MCC: variants seen among roughly 807,000 people sequenced by gnomAD.
MCC encodes colorectal mutant cancer protein.
In MCC, 90 loss-of-function variants were observed where a neutral mutation model predicts 116.2. That is an observed-to-expected ratio of 0.77 (90% CI 0.65 to 0.92). MCC has a LOEUF of 0.92. MCC is among the 40% of genes least tolerant of loss of function. MCC has a pLI of 0.00. For synonymous variants in MCC, 578 were observed against 510.5 expected (o/e 1.13, Z -1.78); for missense variants, 1,516 against 1,312.2 (o/e 1.16, Z -2.40).
In MCC at chr5:113,488,424, C is replaced by A. The variant is rs1329306874; in HGVS notation, c.-10G>T. On this transcript the variant is annotated 5_prime_UTR_variant, in exon 1 of 19. Coordinates refer to ENST00000408903, the MANE Select transcript of MCC (RefSeq NM_001085377.2). ...CCGCGGCCGCCATCATGCGCCCGCT[C>A]CCTACTTGGGAGGAGGAGTACGCGC... 7.1e-7 allele frequency: 1 copy of A among 1,405,408 alleles called. No homozygotes were observed. 87.1% of individuals were successfully genotyped at this position (1,405,408 alleles called of 1,614,324 possible).
intron 8 of MCC, among the ~76,000 whole-genome samples, chr5:113,087,762 C>G (rs1755304633): frequency 6.9e-6 from 1 of 144,218 alleles, no homozygotes; most frequent in Non-Finnish European, 1.5e-5. Context: ...CCCTACTGGC[C>G]TACTCATCTT....
intron 13 of MCC, among the ~76,000 whole-genome samples, chr5:113,067,705 C>T (rs1276451556): frequency 6.6e-6 from 1 of 152,232 alleles, no homozygotes; most frequent in Non-Finnish European, 1.5e-5. Flanking sequence ...GCCAATGGAA[C>T]GAGATGAAGT....
In MCC at chr5:113,085,059, T is replaced by C. The variant is rs1458329611; in HGVS notation, c.1545+105A>G. The C allele has an allele frequency of 2.0e-6, 3 of 1,493,904 alleles. No individual in the cohort carries two copies. In the African/African-American group the frequency reaches 4.1e-5, roughly 21 times the overall value. 92.5% of individuals were successfully genotyped at this position (1,493,904 alleles called of 1,614,324 possible). A position where few individuals can be genotyped will look rare whatever the true frequency, so the allele number is the denominator to read the frequency against. The stretch of plus-strand genomic sequence containing the variant: ...GTAAGGTCCCAGGGGAAGCCCCTTG[T>C]GCTGTCTCAGCTAAGGGCATGCCTG... On this transcript the variant is annotated intron_variant, in intron 9 of 18. Coordinates refer to ENST00000408903, the MANE Select transcript of MCC (RefSeq NM_001085377.2).
chr5:113,416,973 T>C (rs578111230), intron 1 of MCC, among the ~76,000 whole-genome samples: 61 of 138,600 alleles, frequency 4.4e-4, no homozygotes, highest in Middle Eastern at 3.5e-3. Flanking sequence ...AATTGCCTTT[T>C]TTTTTTTTTT....
intron 1 of MCC, among the ~76,000 whole-genome samples, chr5:113,431,767 G>A: frequency 8.0e-6 from 1 of 124,480 alleles, no homozygotes; most frequent in African/African-American, 3.5e-5. Context: ...AGGCCAAGGG[G>A]GGGGGGGGGT....
At chr5:113,308,751 C>G (rs935358889) in intron 3 of MCC, among the ~76,000 whole-genome samples, 16 of 151,636 alleles carry the variant, frequency 1.1e-4, no homozygotes, top group African/African-American at 2.9e-4. Flanking sequence ...CACCTTGAGC[C>G]ATGATTTTGC....
Position 113,023,727 on chromosome 5 carries a change from C to G in MCC, c.*3575G>C, listed in dbSNP as rs1027154042. The G allele has an allele frequency of 3.3e-5, 5 of 152,192 alleles. No homozygotes were observed. Among genetic ancestry groups the G allele is most frequent in the Admixed American group, 2.6e-4 (4 of 15,284 alleles). 9.4% of individuals were successfully genotyped at this position (152,192 alleles called of 1,614,324 possible). A position where few individuals can be genotyped will look rare whatever the true frequency, so the allele number is the denominator to read the frequency against. On this transcript the variant is annotated 3_prime_UTR_variant, in exon 19 of 19. Coordinates refer to ENST00000408903, the MANE Select transcript of MCC (RefSeq NM_001085377.2). The stretch of plus-strand genomic sequence containing the variant: ...AGCCTTATGGAGGAAAGGACACTTT[C>G]AGAGATGTTTATTTTTTAATAGTCA...
At position 113,022,482 on chromosome 5, in the gene MCC, A is replaced by C. The variant is rs565453110; in HGVS notation, c.*4820T>G. 3 of 152,722 alleles carry C rather than the reference A, an allele frequency of 2.0e-5. No homozygotes were observed. The East Asian group carries it at 5.8e-4, about 29-fold the overall frequency. The allele number at this position is 152,722 out of a possible 1,614,324, so 9.5% of individuals were successfully genotyped here. A position where few individuals can be genotyped will look rare whatever the true frequency, so the allele number is the denominator to read the frequency against. On this transcript the variant is annotated 3_prime_UTR_variant, in exon 19 of 19. Coordinates refer to ENST00000408903, the MANE Select transcript of MCC (RefSeq NM_001085377.2). ...AGGAAACAAATCTCATGCAAAGTAAATAAATCTTGATGTCTAAAAACTGAT... is the reference window on the plus strand; with the variant it reads ...AGGAAACAAATCTCATGCAAAGTAACTAAATCTTGATGTCTAAAAACTGAT...
At chr5:113,222,216 T>C (rs1763577668) in intron 3 of MCC, among the ~76,000 whole-genome samples, 1 of 152,228 alleles carries the variant, frequency 6.6e-6, no homozygotes, top group African/African-American at 2.4e-5. Context: ...AATATGGTGA[T>C]TTACACTGAT....
At chr5:113,209,294 G>T (rs772485810) in intron 3 of MCC, among the ~76,000 whole-genome samples, 3 of 152,124 alleles carry the variant, frequency 2.0e-5, no homozygotes, top group Non-Finnish European at 4.4e-5. Flanking sequence ...TCAGAAGAAG[G>T]CTTCAAAAAT....
chr5:113,267,230 A>C (rs571152427), intron 3 of MCC, among the ~76,000 whole-genome samples: 1 of 151,914 alleles, frequency 6.6e-6, no homozygotes, highest in East Asian at 1.9e-4. Flanking sequence ...AATCCTCATC[A>C]GCTCTCATAG....
At chr5:113,201,391 A>G (rs1337326852) in intron 3 of MCC, among the ~76,000 whole-genome samples, 2 of 148,580 alleles carry the variant, frequency 1.3e-5, no homozygotes, top group Admixed American at 6.7e-5. Context: ...CATCTCCAAA[A>G]AAAAAAAAAA....
At chr5:113,455,417 C>A (rs3902149) in intron 1 of MCC, among the ~76,000 whole-genome samples, 1 of 152,110 alleles carries the variant, frequency 6.6e-6, no homozygotes, top group Admixed American at 6.5e-5. Flanking sequence ...ACTTGGCACA[C>A]GGCAGGAATT....
At chr5:113,057,042 G>A (rs1286049561) in intron 14 of MCC, among the ~76,000 whole-genome samples, 1 of 152,128 alleles carries the variant, frequency 6.6e-6, no homozygotes, top group East Asian at 1.9e-4. Context: ...CCTAAGGGAG[G>A]CGAGAGAGGG....
intron 17 of MCC, among the ~76,000 whole-genome samples, chr5:113,034,177 G>A (rs1580884387): frequency 6.6e-6 from 1 of 151,238 alleles, no homozygotes; most frequent in East Asian, 1.9e-4. Context: ...TGAGATTACA[G>A]GCCTGAGCAA....
rs1750765141 is a variant in MCC at position 113,028,954 on chromosome 5, A to G, written c.2859T>C (p.Asn953=). ...IRHQQSAEFV[N]DLKRANSNLV... is the part of the protein sequence containing the mutation. ...TTTACCTGTTGGCCCGCTTTAGATC[A>G]TTCACGAACTCTGCAGATTGCTGAT... The change falls in exon 18 of 19, where the codon AAT becomes AAC. Residue 953 remains asparagine (N), a synonymous_variant. Coordinates refer to ENST00000408903, the MANE Select transcript of MCC (RefSeq NM_001085377.2). 2 of 1,613,874 alleles carry G rather than the reference A, an allele frequency of 1.2e-6. No individual in the cohort carries two copies. Among genetic ancestry groups the G allele is most frequent in the Non-Finnish European group, 1.7e-6 (2 of 1,179,882 alleles).
At chr5:113,301,008 G>T (rs1432893407) in intron 3 of MCC, among the ~76,000 whole-genome samples, 1 of 152,202 alleles carries the variant, frequency 6.6e-6, no homozygotes, top group Admixed American at 6.5e-5. Context: ...GATATGTAGG[G>T]TCGGCGAGTT....
Position 113,053,704 on chromosome 5 carries a change from TG to T in MCC, c.2448+20del. On this transcript the variant is annotated intron_variant, in intron 15 of 18. Transcript: ENST00000408903. ...TTCCTCCTGGTGGCAGCCTAGCACA[TG>T]GGACCCACCCACCACATACCTTCAT... The T allele has an allele frequency of 6.4e-7, 1 of 1,573,858 alleles. No individual in the cohort carries two copies.
intron 4 of MCC, among the ~76,000 whole-genome samples, chr5:113,146,099 C>T (rs907687031): frequency 1.1e-4 from 15 of 137,454 alleles, no homozygotes; most frequent in African/African-American, 3.2e-4. Flanking sequence ...AGTTTACATT[C>T]CTATATTTTT....
Sources: allele counts gnomAD v4.1 joint callset (sites outside exome capture counted in the v4.1 genomes callset), GRCh38; gene constraint gnomAD v4.1.1; transcripts MANE v1.5; gene names NCBI Gene and HGNC (gene_info 2026-07-23, HGNC 2026-07-21).